Variants in RGS12 observed in about 807,000 individuals in gnomAD.
RGS12 encodes regulator of G-protein signaling 12.
Under a neutral mutation model 120.1 loss-of-function variants are expected in RGS12, and 66 were observed. The observed-to-expected ratio is 0.55, with a 90% CI of 0.45 to 0.67. The LOEUF (loss-of-function observed/expected upper bound fraction) is 0.67, where lower values mean the gene tolerates loss of function less well. RGS12 is among the 30% of genes least tolerant of loss of function. The probability of loss-of-function intolerance (pLI) is 0.00; values close to 1 mark genes in which losing one functional copy is unlikely to be tolerated. For missense variants in RGS12, 1,859 were observed against 1,957.7 expected (o/e 0.95, Z 0.95); for synonymous variants, 827 against 804.7 (o/e 1.03, Z -0.47).
chr4:3,295,746 A>G (rs1344064614), intron 1 of RGS12, among the ~76,000 whole-genome samples: 1 of 152,174 alleles, frequency 6.6e-6, no homozygotes, highest in Non-Finnish European at 1.5e-5. Flanking sequence ...GAAGGAATAA[A>G]CAACTCATTA....
intron 3 of RGS12, among the ~76,000 whole-genome samples, chr4:3,381,916 G>A (rs1489052366): frequency 6.6e-6 from 1 of 152,148 alleles, no homozygotes; most frequent in African/African-American, 2.4e-5. Flanking sequence ...AATATACCTG[G>A]GAGTGAGAGA....
At chr4:3,328,376 A>T (rs1725701204) in intron 2 of RGS12, among the ~76,000 whole-genome samples, 1 of 152,116 alleles carries the variant, frequency 6.6e-6, no homozygotes. Context: ...TTGCACTTGT[A>T]CTCCATACGT....
rs1364333635 is a variant in RGS12 at position 3,316,265 on chromosome 4, ACGG to A, written c.96_98del (p.Tyr32_Gly33delinsTer). 1 of 1,613,814 alleles carries A rather than the reference ACGG, an allele frequency of 6.2e-7. No individual in the cohort carries two copies. Among genetic ancestry groups the A allele is most frequent in the South Asian group, 1.1e-5 (1 of 91,068 alleles). Reference sequence around the variant, plus strand: ...GAGGTTGCCCGGGGGAGGGCCGGCTACGGATTCACGCTTTCGGGACAGGCACCC... The same window carrying A: ...GAGGTTGCCCGGGGGAGGGCCGGCTAATTCACGCTTTCGGGACAGGCACCC... On this transcript the variant is annotated stop_gained and inframe_deletion, in exon 2 of 18. Transcript: ENST00000336727. LOFTEE classifies it high-confidence loss of function.
intron 1 of RGS12, among the ~76,000 whole-genome samples, chr4:3,307,208 C>G (rs1458167227): frequency 2.0e-5 from 3 of 152,196 alleles, no homozygotes; most frequent in African/African-American, 7.2e-5. Context: ...CGTGTTGCCG[C>G]CGGCTGCTTT....
intron 3 of RGS12, among the ~76,000 whole-genome samples, chr4:3,377,628 A>G (rs1578868015): frequency 1.3e-5 from 2 of 152,372 alleles, no homozygotes; most frequent in East Asian, 3.9e-4. Context: ...GTTACTAACA[A>G]TAAACCTTAA....
At chr4:3,322,159 G>A (rs951935795) in intron 2 of RGS12, among the ~76,000 whole-genome samples, 4 of 152,280 alleles carry the variant, frequency 2.6e-5, no homozygotes, top group East Asian at 1.9e-4. Flanking sequence ...CTTGTTGCTC[G>A]GCATTTCTAC....
At chr4:3,302,231 C>T (rs1166263301) in intron 1 of RGS12, among the ~76,000 whole-genome samples, 3 of 152,154 alleles carry the variant, frequency 2.0e-5, no homozygotes, top group Non-Finnish European at 4.4e-5. Flanking sequence ...AGGGCTGTGG[C>T]CTCCGTGTGT....
At chr4:3,348,459 TG>T (rs1714033571) in intron 3 of RGS12, among the ~76,000 whole-genome samples, 1 of 152,196 alleles carries the variant, frequency 6.6e-6, no homozygotes, top group African/African-American at 2.4e-5. Context: ...TTGGTTTGCC[TG>T]GAAGTAGAAG....
At chr4:3,346,373 G>A (rs953278648) in intron 3 of RGS12, among the ~76,000 whole-genome samples, 2 of 152,206 alleles carry the variant, frequency 1.3e-5, no homozygotes, top group African/African-American at 4.8e-5. Flanking sequence ...AGGGGTAAAT[G>A]TGTCTTTATA....
chr4:3,292,566 G>A (rs921376455), upstream of RGS12, among the ~76,000 whole-genome samples: 2 of 152,252 alleles, frequency 1.3e-5, no homozygotes, highest in African/African-American at 2.4e-5. Flanking sequence ...AGACCCAACG[G>A]GAGCGGGACT....
At chr4:3,422,769 G>C (rs1723163825) in intron 11 of RGS12, 136 bp from the exon 12 acceptor site, 1 of 986,844 alleles carries the variant, frequency 1.0e-6, no homozygotes, top group African/African-American at 1.6e-5. Flanking sequence ...GTGTGGAAAG[G>C]GTGATCGCTT....
Position 3,433,700 on chromosome 4 carries a change from G to T in RGS12, c.4114+2745G>T, listed in dbSNP as rs1454623170. ...CGTGGTGCTCCACCACGCCCTTCTAGCCTCAGCGTCATGCACCGCACCGCC... is the reference window on the plus strand; with the variant it reads ...CGTGGTGCTCCACCACGCCCTTCTATCCTCAGCGTCATGCACCGCACCGCC... On this transcript the variant is annotated intron_variant, in intron 17 of 17. Transcript: ENST00000336727. This position sits in a 1 kb window ranked among gnomAD's most constrained non-coding sequence, Gnocchi z 4.4. Among the ~76,000 whole-genome samples, 2 of 150,642 alleles carry T rather than the reference G, an allele frequency of 1.3e-5. No homozygotes were observed. Among genetic ancestry groups the T allele is most frequent in the African/African-American group, 4.9e-5 (2 of 40,682 alleles).
intron 13 of RGS12, chr4:3,423,864 A>G (rs1723309165): frequency 3.7e-6 from 2 of 537,802 alleles, no homozygotes; most frequent in Non-Finnish European, 6.3e-6. Flanking sequence ...TCCAAAAAGA[A>G]TTGATATTTG....
chr4:3,351,797 G>A (rs945240374), intron 3 of RGS12, among the ~76,000 whole-genome samples: 3 of 152,116 alleles, frequency 2.0e-5, no homozygotes, highest in Middle Eastern at 3.2e-3. Context: ...AGAAGACTTG[G>A]TGTGCCTCAA....
intron 2 of RGS12, among the ~76,000 whole-genome samples, chr4:3,318,662 G>A (rs999877569): frequency 3.9e-5 from 6 of 152,218 alleles, no homozygotes; most frequent in East Asian, 1.9e-4. Flanking sequence ...CCCTTTGGGG[G>A]CCCTGCCTTT....
At chr4:3,428,195 G>A in intron 15 of RGS12, 26 bp downstream of exon 15, 1 of 1,600,662 alleles carries the variant, frequency 6.2e-7, no homozygotes, top group Non-Finnish European at 8.6e-7. Context: ...GGCCCACCCT[G>A]TGCCCTGCTC....
At chr4:3,380,446 AGTGGGGACTCTGT>A (rs1282632273) in intron 3 of RGS12, among the ~76,000 whole-genome samples, 1 of 152,206 alleles carries the variant, frequency 6.6e-6, no homozygotes, top group African/African-American at 2.4e-5. Context: ...GCAGTGTCCC[AGTGGGGACTCTGT>A]GTGGGGACTC....
intron 2 of RGS12, among the ~76,000 whole-genome samples, chr4:3,327,963 A>G: frequency 6.6e-6 from 1 of 152,250 alleles, no homozygotes; most frequent in East Asian, 1.9e-4. Flanking sequence ...AGCACTATCC[A>G]CAGTAGCAAA....
intron 3 of RGS12, among the ~76,000 whole-genome samples, chr4:3,367,773 A>G (rs10155132): frequency 0.7 from 105,937 of 152,126 alleles, 38,248 homozygotes; most frequent in African/African-American, 0.89. Flanking sequence ...GCAGCTGCAG[A>G]AAAGGACAGG....
Sources: allele counts gnomAD v4.1 joint callset (sites outside exome capture counted in the v4.1 genomes callset), GRCh38; gene constraint gnomAD v4.1.1; non-coding constraint Gnocchi (gnomAD v3.1); transcripts MANE v1.5; gene names NCBI Gene and HGNC (gene_info 2026-07-23, HGNC 2026-07-21).